NOX4: variants seen among roughly 807,000 people sequenced by gnomAD.
NOX4 encodes kidney oxidase-1.
In NOX4, 69 loss-of-function variants were observed where a neutral mutation model predicts 87.6. The ratio of observed to expected loss-of-function variants is 0.79; its 90% CI spans 0.65 to 0.96. The LOEUF is 0.96. Ranked by LOEUF, NOX4 falls within the 40% of genes least tolerant of loss-of-function variation. NOX4 has a pLI of 0.00. For missense variants in NOX4, 680 were observed against 681.5 expected, an observed-to-expected ratio of 1.00 and a Z score of 0.02; for synonymous variants, 275 against 238.2, an observed-to-expected ratio of 1.15 and a Z score of -1.42.
chr11:89,419,017 T>C (rs1489941009), intron 8 of NOX4, among the ~76,000 whole-genome samples: 1 of 152,100 alleles, frequency 6.6e-6, no homozygotes, highest in Non-Finnish European at 1.5e-5. Context: ...ATTGCTAGCA[T>C]TCATGTAAAT....
chr11:89,550,983 G>C, the NOX4 span, among the ~76,000 whole-genome samples: 6 of 152,274 alleles, frequency 3.9e-5, no homozygotes, highest in East Asian at 1.2e-3. Flanking sequence ...AAGGGCTCCA[G>C]TTTCAGTTTT....
At chr11:89,532,586 T>C in the NOX4 span, among the ~76,000 whole-genome samples, 21 of 152,334 alleles carry the variant, frequency 1.4e-4, no homozygotes, top group Admixed American at 5.2e-4. Flanking sequence ...GATGAGACTT[T>C]GGACTTGGAC....
intron 11 of NOX4, among the ~76,000 whole-genome samples, chr11:89,392,807 T>C (rs1254392723): frequency 6.6e-6 from 1 of 152,132 alleles, no homozygotes; most frequent in Non-Finnish European, 1.5e-5. Context: ...GTAACCAAAA[T>C]AATTTTCATG....
the NOX4 span, among the ~76,000 whole-genome samples, chr11:89,504,363 T>C: frequency 1.1e-4 from 17 of 151,910 alleles, no homozygotes; most frequent in Non-Finnish European, 2.5e-4. Context: ...AAAAATATAA[T>C]ATATGGGACA....
At chr11:89,487,320 A>G (rs928104743) in intron 2 of NOX4, among the ~76,000 whole-genome samples, 2 of 152,352 alleles carry the variant, frequency 1.3e-5, no homozygotes, top group African/African-American at 4.8e-5. Context: ...ATAAGTAAAC[A>G]TTTGAATAAA....
At chr11:89,463,931 G>C (rs568723090) in intron 2 of NOX4, among the ~76,000 whole-genome samples, 1 of 151,770 alleles carries the variant, frequency 6.6e-6, no homozygotes, top group African/African-American at 2.4e-5. Flanking sequence ...CTTTTGATCT[G>C]GCATTTGCAT....
upstream of NOX4, among the ~76,000 whole-genome samples, chr11:89,495,414 CTG>C (rs1196974953): frequency 8.5e-5 from 13 of 152,112 alleles, no homozygotes; most frequent in Non-Finnish European, 5.9e-5. Flanking sequence ...CCTCTTCAAT[CTG>C]TGTGTGTGTC....
intron 11 of NOX4, among the ~76,000 whole-genome samples, chr11:89,399,106 A>G (rs1248355364): frequency 2.0e-5 from 3 of 151,786 alleles, no homozygotes; most frequent in Non-Finnish European, 4.4e-5. Context: ...TTTATAATGA[A>G]CTCATGCTAT....
At chr11:89,552,828 A>G in the NOX4 span, among the ~76,000 whole-genome samples, 1 of 122,512 alleles carries the variant, frequency 8.2e-6, no homozygotes, top group Non-Finnish European at 1.7e-5. Flanking sequence ...TTATCAAGTA[A>G]CTTACTGTGA....
intron 6 of NOX4, 150 bp from the exon 7 acceptor site, chr11:89,433,006 G>A (rs1388816673): frequency 1.7e-6 from 1 of 592,006 alleles, no homozygotes; most frequent in African/African-American, 1.9e-5. Flanking sequence ...CCTCAAACAA[G>A]CCCTTTACTT....
the NOX4 span, among the ~76,000 whole-genome samples, chr11:89,509,766 T>C: frequency 6.6e-6 from 1 of 151,988 alleles, no homozygotes; most frequent in African/African-American, 2.4e-5. Context: ...ACCTGCCTTA[T>C]AACACACAAC....
chr11:89,420,147 T>C (rs1479619015), intron 8 of NOX4, among the ~76,000 whole-genome samples: 1 of 152,140 alleles, frequency 6.6e-6, no homozygotes, highest in Non-Finnish European at 1.5e-5. Flanking sequence ...GATCCATCAG[T>C]TAAGTAAACT....
At chr11:89,463,933 C>T (rs2099302110) in intron 2 of NOX4, among the ~76,000 whole-genome samples, 1 of 151,898 alleles carries the variant, frequency 6.6e-6, no homozygotes, top group African/African-American at 2.4e-5. Context: ...TTTGATCTGG[C>T]ATTTGCATAT....
At chr11:89,461,511 G>A (rs984082185) in intron 2 of NOX4, among the ~76,000 whole-genome samples, 95 of 151,808 alleles carry the variant, frequency 6.3e-4, no homozygotes, top group African/African-American at 2.0e-3. Flanking sequence ...CGGGTGTGGT[G>A]ATGGGCACAC....
At chr11:89,392,044 C>A (rs1941171157) in intron 11 of NOX4, among the ~76,000 whole-genome samples, 1 of 150,788 alleles carries the variant, frequency 6.6e-6, no homozygotes, top group African/African-American at 2.4e-5. Context: ...AACAATCTTT[C>A]TTTAAAAGAA....
chr11:89,393,359 T>A (rs975985620), intron 11 of NOX4, among the ~76,000 whole-genome samples: 4 of 152,088 alleles, frequency 2.6e-5, no homozygotes, highest in African/African-American at 9.7e-5. Flanking sequence ...TCTAGACTGG[T>A]CTCATTGTTA....
chr11:89,540,703 G>C, the NOX4 span, among the ~76,000 whole-genome samples: 1 of 148,900 alleles, frequency 6.7e-6, no homozygotes, highest in African/African-American at 2.5e-5. Flanking sequence ...CAGGAGAATG[G>C]TGTGAACGCG....
intron 13 of NOX4, among the ~76,000 whole-genome samples, chr11:89,344,826 G>A (rs1330655120): frequency 3.3e-5 from 5 of 152,096 alleles, no homozygotes; most frequent in Non-Finnish European, 5.9e-5. Context: ...TTCATTCTGA[G>A]TCTAACTCCA....
At chr11:89,418,247 G>A (rs1433601387) in intron 8 of NOX4, among the ~76,000 whole-genome samples, 1 of 151,558 alleles carries the variant, frequency 6.6e-6, no homozygotes, top group Non-Finnish European at 1.5e-5. Context: ...TTAGTTTGGT[G>A]TAAGTTTTAA....
Sources: gnomAD v4.1 joint callset for allele counts (sites outside exome capture counted in the v4.1 genomes callset) on GRCh38, gnomAD v4.1.1 for gene constraint, MANE v1.5 for transcripts, NCBI Gene and HGNC (gene_info 2026-07-23, HGNC 2026-07-21) for gene names.